Variants in COL13A1 observed in about 807,000 individuals in gnomAD.
COL13A1 encodes collagen alpha-1(XIII) chain.
Under a neutral mutation model 130.9 loss-of-function variants are expected in COL13A1, and 89 were observed. The observed-to-expected ratio is 0.68, with a 90% confidence interval of 0.57 to 0.81. COL13A1 has a LOEUF of 0.81. Among genes scored for constraint, COL13A1 ranks in the 30% least tolerant of loss-of-function variants. The probability of loss-of-function intolerance (pLI) is 0.00; values close to 1 mark genes in which losing one functional copy is unlikely to be tolerated. For synonymous variants in COL13A1, 402 were observed against 341.6 expected (o/e 1.18, Z -1.95); for missense variants, 879 against 934.6 (o/e 0.94, Z 0.78).
At chr10:69,941,910 C>G (rs1323698722) in intron 35 of COL13A1, among the ~76,000 whole-genome samples, 4 of 152,208 alleles carry the variant, frequency 2.6e-5, no homozygotes, top group African/African-American at 9.6e-5. Context: ...GTGCACCCAG[C>G]CCCTTCCAGC....
intron 2 of COL13A1, among the ~76,000 whole-genome samples, chr10:69,827,552 G>A (rs564741608): frequency 3.3e-5 from 5 of 152,318 alleles, no homozygotes; most frequent in African/African-American, 1.2e-4. Flanking sequence ...GATACAATTT[G>A]TATTCTAGAA....
chr10:69,829,163 C>T (rs1285785916), intron 2 of COL13A1: 4 of 884,282 alleles, frequency 4.5e-6, no homozygotes, highest in Admixed American at 1.2e-4. Flanking sequence ...CCTCACACCC[C>T]GTCAATCACC....
chr10:69,841,191 T>C (rs763745984), intron 2 of COL13A1, among the ~76,000 whole-genome samples: 3 of 151,958 alleles, frequency 2.0e-5, no homozygotes, highest in Non-Finnish European at 2.9e-5. Context: ...ATCTCCACCT[T>C]TGCCTGTTAA....
chr10:69,925,030 GT>G, intron 25 of COL13A1, 23 bp downstream of exon 25: 1 of 1,545,654 alleles, frequency 6.5e-7, no homozygotes, highest in Non-Finnish European at 8.7e-7. Flanking sequence ...CCCTCCTGGA[GT>G]CACAGCGTGA....
In COL13A1 at chr10:69,936,778, C is replaced by G. The variant is rs767138601; in HGVS notation, c.1793C>G (p.Pro598Arg). Reference sequence around the variant, plus strand: ...CAGGGGCTCCAAGGTGTTCCTGGACCAAAGGTAAGGAGAAGTCACATGACA... The same window carrying G: ...CAGGGGCTCCAAGGTGTTCCTGGACGAAAGGTAAGGAGAAGTCACATGACA... ...GPPGLQGVPG[P>R]KGEAGLDGAK... The change falls in exon 33 of 41, where the codon CCA becomes CGA. Residue 598 changes from proline to arginine, a missense_variant. This residue lies in a region of COL13A1 where 96 missense variants were observed against 147.7 expected (regional missense o/e 0.65). Coordinates refer to ENST00000645393, the MANE Select transcript of COL13A1 (RefSeq NM_001368882.1). The G allele has an allele frequency of 2.5e-6, 4 of 1,613,724 alleles. No homozygotes were observed. The highest frequency in any genetic ancestry group is 3.4e-6 in the Non-Finnish European group (4 of 1,179,844).
intron 24 of COL13A1, among the ~76,000 whole-genome samples, chr10:69,924,210 G>C (rs2065054234): frequency 6.6e-6 from 1 of 152,204 alleles, no homozygotes; most frequent in Non-Finnish European, 1.5e-5. Context: ...AAAGAGAGTG[G>C]GTTACCTGGA....
intron 2 of COL13A1, among the ~76,000 whole-genome samples, chr10:69,831,396 G>C (rs948214568): frequency 2.0e-5 from 3 of 152,158 alleles, no homozygotes; most frequent in Non-Finnish European, 4.4e-5. Flanking sequence ...CTTCCTCTGA[G>C]ATGTCTCCGT....
At chr10:69,815,681 T>G (rs1844297527) in intron 1 of COL13A1, among the ~76,000 whole-genome samples, 1 of 152,214 alleles carries the variant, frequency 6.6e-6, no homozygotes, top group South Asian at 2.1e-4. Context: ...ACATGCTCAG[T>G]GTTGACAGGT....
At chr10:69,867,512 C>T (rs547541516) in intron 2 of COL13A1, among the ~76,000 whole-genome samples, 5 of 152,332 alleles carry the variant, frequency 3.3e-5, no homozygotes, top group Non-Finnish European at 4.4e-5. Context: ...CCGTAGAGCC[C>T]GTTTTGTGGG....
At chr10:69,849,383 C>T (rs1429948558) in intron 2 of COL13A1, among the ~76,000 whole-genome samples, 9 of 152,236 alleles carry the variant, frequency 5.9e-5, no homozygotes, top group African/African-American at 1.4e-4. Flanking sequence ...CCCCTGATCA[C>T]TTCCCACTGC....
chr10:69,834,268 G>A (rs1311993624), intron 2 of COL13A1, among the ~76,000 whole-genome samples: 1 of 152,202 alleles, frequency 6.6e-6, no homozygotes, highest in Non-Finnish European at 1.5e-5. Context: ...CTCCTGCTGT[G>A]AGGCCTGGTT....
chr10:69,893,660 C>T (rs1054621319), intron 10 of COL13A1, among the ~76,000 whole-genome samples: 1 of 152,240 alleles, frequency 6.6e-6, no homozygotes, highest in Non-Finnish European at 1.5e-5. Flanking sequence ...AAGGTCTGGC[C>T]CAGTTCTGAG....
chr10:69,878,456 G>T (rs537951757), intron 6 of COL13A1, among the ~76,000 whole-genome samples: 6 of 152,130 alleles, frequency 3.9e-5, no homozygotes, highest in African/African-American at 1.4e-4. Flanking sequence ...AGCCCTGGGG[G>T]GTTCTTGAGA....
chr10:69,958,486 G>A (rs2071229886), intron 40 of COL13A1, among the ~76,000 whole-genome samples: 1 of 152,190 alleles, frequency 6.6e-6, no homozygotes, highest in African/African-American at 2.4e-5. Flanking sequence ...TGACCACAAA[G>A]GGGATTCACA....
At chr10:69,843,135 A>C (rs935721910) in intron 2 of COL13A1, among the ~76,000 whole-genome samples, 3 of 152,192 alleles carry the variant, frequency 2.0e-5, no homozygotes, top group Non-Finnish European at 2.9e-5. Flanking sequence ...GAGGGGGCCC[A>C]GAGAGGTGAG....
intron 13 of COL13A1, chr10:69,897,600 T>C (rs1316122260): frequency 2.6e-6 from 4 of 1,549,104 alleles, no homozygotes; most frequent in Non-Finnish European, 3.6e-6. Context: ...CAGCCCAACA[T>C]TGCACATCCC....
intron 10 of COL13A1, among the ~76,000 whole-genome samples, chr10:69,891,049 T>C (rs1285564878): frequency 6.6e-6 from 1 of 152,190 alleles, no homozygotes; most frequent in Admixed American, 6.5e-5. Flanking sequence ...TTAATGCATT[T>C]TTTATGGAGT....
intron 2 of COL13A1, among the ~76,000 whole-genome samples, chr10:69,839,382 C>A (rs762894229): frequency 1.6e-4 from 24 of 152,104 alleles, no homozygotes; most frequent in Non-Finnish European, 3.1e-4. Flanking sequence ...TAAATTAAGA[C>A]AATTTTAAAG....
intron 1 of COL13A1, among the ~76,000 whole-genome samples, chr10:69,818,737 G>T (rs1015648679): frequency 1.3e-5 from 2 of 152,186 alleles, no homozygotes; most frequent in South Asian, 2.1e-4. Context: ...AAGATGGATG[G>T]TCCAGCTCAA....
Sources: gnomAD v4.1 joint callset for allele counts (sites outside exome capture counted in the v4.1 genomes callset) on GRCh38, gnomAD v4.1.1 for gene constraint, gnomAD v4.1.1 regional missense constraint, MANE v1.5 for transcripts, NCBI Gene and HGNC (gene_info 2026-07-23, HGNC 2026-07-21) for gene names.